PCNX1: variants seen among roughly 807,000 people sequenced by gnomAD.
PCNX1 encodes pecanex-like protein 1.
PCNX1 carries 78 observed loss-of-function variants against 242.2 expected under a neutral mutation model. The ratio of observed to expected loss-of-function variants is 0.32; its 90% CI spans 0.27 to 0.39. The LOEUF (loss-of-function observed/expected upper bound fraction) is 0.39, where lower values mean the gene tolerates loss of function less well. Among genes scored for constraint, PCNX1 ranks in the 10% least tolerant of loss-of-function variants. The pLI is 1.00. For missense variants in PCNX1, 2,581 were observed against 2,856.5 expected, an observed-to-expected ratio of 0.90 and a Z score of 2.20; for synonymous variants, 1,024 against 1,032.9, an observed-to-expected ratio of 0.99 and a Z score of 0.17.
chr14:70,944,122 A>G (rs1276693965), intron 1 of PCNX1, among the ~76,000 whole-genome samples: 1 of 152,206 alleles, frequency 6.6e-6, no homozygotes, highest in Non-Finnish European at 1.5e-5. Flanking sequence ...CCCACTGGGC[A>G]TGGCCTAACA....
chr14:70,961,352 A>T (rs1189926912), intron 2 of PCNX1, among the ~76,000 whole-genome samples: 1 of 152,208 alleles, frequency 6.6e-6, no homozygotes, highest in Non-Finnish European at 1.5e-5. Context: ...AGCCCTCAGA[A>T]ATAACGCCGC....
chr14:70,970,243 A>G lies in PCNX1; in HGVS notation c.604+1133A>G, dbSNP rs1347595290. On this transcript the variant is annotated intron_variant, in intron 5 of 35. Transcript: ENST00000304743. ...TACCCGGGCATGATGGTGTGTGCCT[A>G]TAGTCTCAGCTACTTGGGAGGCTGA... Among the ~76,000 whole-genome samples, 4 of 151,298 alleles carry G rather than the reference A, an allele frequency of 2.6e-5. 1 individual carries two copies. In the South Asian group the frequency reaches 6.3e-4, roughly 24 times the overall value.
chr14:70,946,857 A>G (rs1019316670), intron 1 of PCNX1, 58 bp from the exon 2 acceptor site: 1 of 1,135,484 alleles, frequency 8.8e-7, no homozygotes, highest in Non-Finnish European at 1.3e-6. Context: ...AGATTTATCT[A>G]ATTGAATACG....
chr14:71,112,447 TAA>T lies in PCNX1; in HGVS notation c.*2513_*2514del, dbSNP rs1388608038. ...TGAGAAGAAGCCCTGTTGTTTTTCT[TAA>T]GAGTCTAAAACTGACAATCTTTTAA... On this transcript the variant is annotated 3_prime_UTR_variant, in exon 36 of 36. Coordinates refer to ENST00000304743, the MANE Select transcript of PCNX1 (RefSeq NM_014982.3). The T allele has an allele frequency of 6.6e-6, 1 of 152,134 alleles. No homozygotes were observed. The highest frequency in any genetic ancestry group is 6.5e-5 in the Admixed American group (1 of 15,274). 9.4% of individuals were successfully genotyped at this position (152,134 alleles called of 1,614,324 possible). A position where few individuals can be genotyped will look rare whatever the true frequency, so the allele number is the denominator to read the frequency against.
At chr14:70,908,694 C>T (rs551400102) in intron 1 of PCNX1, among the ~76,000 whole-genome samples, 5 of 150,594 alleles carry the variant, frequency 3.3e-5, no homozygotes, top group Non-Finnish European at 4.4e-5. Context: ...CGTGGTGCTT[C>T]CTGGCCTCCC....
At chr14:70,938,767 T>C (rs1280420176) in intron 1 of PCNX1, among the ~76,000 whole-genome samples, 2 of 152,216 alleles carry the variant, frequency 1.3e-5, no homozygotes, top group Admixed American at 6.5e-5. Flanking sequence ...CCTGGACTTT[T>C]TTTGGTTGGT....
At chr14:71,098,553 T>A (rs11849854) in intron 30 of PCNX1, among the ~76,000 whole-genome samples, 47,471 of 123,918 alleles carry the variant, frequency 0.38, 9,379 homozygotes, top group African/African-American at 0.51. Context: ...TGTGTGTGTG[T>A]GAGAGAGAGA....
intron 22 of PCNX1, 60 bp downstream of exon 22, chr14:71,048,044 C>A: frequency 1.6e-6 from 2 of 1,222,512 alleles, no homozygotes; most frequent in Non-Finnish European, 2.3e-6. Flanking sequence ...GGGTTATATG[C>A]TAGTCAGAAT....
At chr14:70,919,729 C>A (rs920818633) in intron 1 of PCNX1, among the ~76,000 whole-genome samples, 5 of 44,028 alleles carry the variant, frequency 1.1e-4, no homozygotes, top group Non-Finnish European at 2.1e-4. Flanking sequence ...CCCCCCCCCC[C>A]ACCAAATAGG....
At chr14:71,079,948 T>C (rs1232410918) in intron 28 of PCNX1, among the ~76,000 whole-genome samples, 7 of 152,212 alleles carry the variant, frequency 4.6e-5, no homozygotes, top group Non-Finnish European at 1.0e-4. Flanking sequence ...TCTTTGCCTA[T>C]GCCTATGTCC....
At chr14:71,079,841 A>G (rs756004957) in intron 28 of PCNX1, among the ~76,000 whole-genome samples, 22 of 152,050 alleles carry the variant, frequency 1.4e-4, no homozygotes, top group Non-Finnish European at 2.9e-4. Flanking sequence ...CTCTGATAAT[A>G]GTTTCTTTTG....
chr14:70,962,410 G>T (rs562634056), intron 3 of PCNX1, 79 bp downstream of exon 3: 29 of 732,868 alleles, frequency 4.0e-5, no homozygotes, highest in African/African-American at 1.8e-5. Flanking sequence ...TCTTTAAGTC[G>T]GCTGATGTTT....
chr14:71,082,237 A>G (rs1267185330), intron 28 of PCNX1, among the ~76,000 whole-genome samples: 2 of 151,940 alleles, frequency 1.3e-5, no homozygotes, highest in Non-Finnish European at 1.5e-5. Context: ...TTGTTTTGAT[A>G]TCTGTTCTCT....
chr14:71,005,509 A>G (rs67981189), intron 8 of PCNX1, among the ~76,000 whole-genome samples: 55,188 of 150,688 alleles, frequency 0.37, 10,357 homozygotes, highest in East Asian at 0.62. Context: ...CTCTGTCTAA[A>G]AAAAAAAAAG....
intron 8 of PCNX1, among the ~76,000 whole-genome samples, chr14:71,002,390 A>G (rs529988528): frequency 6.1e-4 from 93 of 152,284 alleles, no homozygotes; most frequent in African/African-American, 2.2e-3. Flanking sequence ...TTTAGGCACA[A>G]TAAATGGCAT....
chr14:71,034,460 C>T (rs1364146243), intron 18 of PCNX1, among the ~76,000 whole-genome samples: 3 of 151,948 alleles, frequency 2.0e-5, no homozygotes, highest in African/African-American at 7.3e-5. Context: ...TTCTCAAGGC[C>T]CATCTGAAAA....
intron 22 of PCNX1, chr14:71,048,910 A>G (rs2060944236): frequency 3.1e-6 from 1 of 323,942 alleles, no homozygotes. Flanking sequence ...CAGTATTGTG[A>G]TAAATAGCTT....
chr14:71,056,854 T>C (rs2061195731), intron 25 of PCNX1, among the ~76,000 whole-genome samples: 1 of 152,042 alleles, frequency 6.6e-6, no homozygotes, highest in Non-Finnish European at 1.5e-5. Context: ...AATTTTTGTA[T>C]TTTTAGTAGT....
At chr14:71,062,502 TA>T (rs1243471644) in intron 26 of PCNX1, among the ~76,000 whole-genome samples, 1 of 151,824 alleles carries the variant, frequency 6.6e-6, no homozygotes, top group African/African-American at 2.4e-5. Context: ...GTTTAAAAAT[TA>T]AAAAAATTTT....
Sources: allele counts gnomAD v4.1 joint callset (sites outside exome capture counted in the v4.1 genomes callset), GRCh38; gene constraint gnomAD v4.1.1; transcripts MANE v1.5; gene names NCBI Gene and HGNC (gene_info 2026-07-23, HGNC 2026-07-21).